The following KIAA1328 variants were observed in gnomAD, a reference collection of about 807,000 sequenced individuals.
The protein encoded by KIAA1328 is protein hinderin.
In KIAA1328, 52 loss-of-function variants were observed where a neutral mutation model predicts 68.1. The observed-to-expected ratio is 0.76, with a 90% CI of 0.61 to 0.96. KIAA1328 has a LOEUF of 0.96. KIAA1328 is among the 40% of genes least tolerant of loss of function. The pLI is 0.00. For missense variants in KIAA1328, 641 were observed against 677.6 expected, an observed-to-expected ratio of 0.95 and a Z score of 0.60; for synonymous variants, 232 against 239.4, an observed-to-expected ratio of 0.97 and a Z score of 0.28.
intron 6 of KIAA1328, among the ~76,000 whole-genome samples, chr18:37,058,368 G>T (rs551043644): frequency 6.6e-6 from 1 of 152,100 alleles, no homozygotes; most frequent in Non-Finnish European, 1.5e-5. Context: ...TTAGATGAAA[G>T]AAGCCAGACA....
At chr18:36,855,420 T>C (rs1017880121) in intron 4 of KIAA1328, among the ~76,000 whole-genome samples, 16 of 152,184 alleles carry the variant, frequency 1.1e-4, no homozygotes, top group African/African-American at 3.4e-4. Context: ...TGAGGGTCTT[T>C]TCATGTGCTT....
At chr18:37,166,417 C>A (rs183539796) in intron 8 of KIAA1328, among the ~76,000 whole-genome samples, 68 of 152,216 alleles carry the variant, frequency 4.5e-4, no homozygotes, top group African/African-American at 1.6e-3. Flanking sequence ...TTTCTTAAAA[C>A]ATTATGAGAT....
At chr18:36,878,889 G>C (rs967391016) in intron 4 of KIAA1328, among the ~76,000 whole-genome samples, 2 of 152,134 alleles carry the variant, frequency 1.3e-5, no homozygotes, top group African/African-American at 4.8e-5. Context: ...TCTTCTCTGA[G>C]CTGGTTATTC....
chr18:37,094,715 C>T (rs75484056), intron 7 of KIAA1328, among the ~76,000 whole-genome samples: 22 of 152,200 alleles, frequency 1.4e-4, no homozygotes, highest in African/African-American at 5.3e-4. Flanking sequence ...ATTATAGGAG[C>T]AATTCCTCAC....
chr18:36,834,820 A>G (rs1384811711), intron 2 of KIAA1328, among the ~76,000 whole-genome samples: 1 of 152,144 alleles, frequency 6.6e-6, no homozygotes, highest in Non-Finnish European at 1.5e-5. Flanking sequence ...TATTTGGCAT[A>G]TCGTAATTTA....
intron 8 of KIAA1328, 41 bp downstream of exon 8, chr18:37,160,422 G>C (rs1411808707): frequency 6.4e-7 from 1 of 1,550,938 alleles, no homozygotes; most frequent in Non-Finnish European, 8.8e-7. Context: ...GAAACTGGTA[G>C]GGGAAGGTAG....
intron 5 of KIAA1328, 115 bp from the exon 6 acceptor site, chr18:36,959,193 G>C (rs368135758): frequency 2.0e-6 from 2 of 990,152 alleles, no homozygotes; most frequent in Non-Finnish European, 1.4e-6. Flanking sequence ...TATGACTCTC[G>C]CCAAATATGA....
chr18:37,057,237 A>ATT (rs893420636), intron 6 of KIAA1328, among the ~76,000 whole-genome samples: 2 of 152,142 alleles, frequency 1.3e-5, no homozygotes, highest in African/African-American at 4.8e-5. Flanking sequence ...TTGAAAGAAT[A>ATT]TTTAGTATAA....
chr18:36,829,853 T>A (rs1476699103), intron 1 of KIAA1328, among the ~76,000 whole-genome samples: 1 of 152,122 alleles, frequency 6.6e-6, no homozygotes, highest in Admixed American at 6.5e-5. Flanking sequence ...CTTGGATCGT[T>A]GTGAGGTGGA....
chr18:36,948,030 G>T (rs530412928), intron 5 of KIAA1328, among the ~76,000 whole-genome samples: 1 of 152,186 alleles, frequency 6.6e-6, no homozygotes, highest in East Asian at 1.9e-4. Flanking sequence ...TCCCATCATG[G>T]CCTGAACTTG....
chr18:37,221,939 G>C, intron 9 of KIAA1328, 78 bp from the exon 10 acceptor site: 7 of 1,387,100 alleles, frequency 5.0e-6, no homozygotes, highest in Non-Finnish European at 6.0e-6. Context: ...GCCCTGGACA[G>C]CCCATTTCTG....
At chr18:36,966,758 A>G (rs57233384) in intron 6 of KIAA1328, among the ~76,000 whole-genome samples, 20,809 of 152,212 alleles carry the variant, frequency 0.14, 1,768 homozygotes, top group Non-Finnish European at 0.18. Flanking sequence ...ACATTAAAAC[A>G]TGGCTGAGAG....
Position 37,146,036 on chromosome 18 carries a change from G to T in KIAA1328, c.1233-14164G>T, listed in dbSNP as rs542959925. On this transcript the variant is annotated intron_variant, in intron 7 of 9. Transcript: ENST00000280020. ...TATCTTTTTTTGTTTATTCATTGCT[G>T]TTTCTCCTTTTCTGCTCCTTTTTTT... Among the ~76,000 whole-genome samples the T allele has an allele frequency of 6.6e-5, 10 of 151,862 alleles. No homozygotes were observed. The South Asian group carries it at 2.1e-3, about 32-fold the overall frequency.
At chr18:36,907,698 C>T (rs2049273567) in intron 5 of KIAA1328, among the ~76,000 whole-genome samples, 1 of 152,124 alleles carries the variant, frequency 6.6e-6, no homozygotes, top group Non-Finnish European at 1.5e-5. Context: ...TAATGAGAGA[C>T]AGTCATTAGT....
intron 4 of KIAA1328, among the ~76,000 whole-genome samples, chr18:36,876,053 G>A (rs538020481): frequency 3.9e-5 from 6 of 152,194 alleles, no homozygotes; most frequent in African/African-American, 1.4e-4. Flanking sequence ...TAATGTGCTA[G>A]TGGATTCAGT....
chr18:36,987,498 A>C (rs900487249), intron 6 of KIAA1328, among the ~76,000 whole-genome samples: 2 of 61,190 alleles, frequency 3.3e-5, no homozygotes, highest in Non-Finnish European at 5.5e-5. Flanking sequence ...AAAAAAATAA[A>C]TAAATAAATA....
chr18:37,209,656 G>A (rs1238766314), intron 9 of KIAA1328, among the ~76,000 whole-genome samples: 1 of 152,096 alleles, frequency 6.6e-6, no homozygotes, highest in Non-Finnish European at 1.5e-5. Context: ...ATCCTACACA[G>A]AGGGTGAAAC....
intron 9 of KIAA1328, chr18:37,193,794 G>T: frequency 1.7e-6 from 1 of 594,664 alleles, no homozygotes. Flanking sequence ...AAATTCATAG[G>T]GTATATTTTC....
rs1310443873 is a variant in KIAA1328, at chr18:37,160,202, T to C, written c.1235T>C (p.Leu412Ser). Residue 412 changes from leucine to serine, a missense_variant and splice_region_variant, in exon 8 of 10, where the codon TTA (leucine) becomes TCA (serine). Coordinates refer to ENST00000280020, the MANE Select transcript of KIAA1328 (RefSeq NM_020776.3). ...LHQSRLDYNC[L>S]LKSNCDGWLL... ...TTCATTCATCGTTGTTCTTTCAGTT[T>C]ATTGAAGTCAAACTGTGATGGCTGG... 1 of 1,610,664 alleles carries C rather than the reference T, an allele frequency of 6.2e-7. No individual in the cohort carries two copies. The highest frequency in any genetic ancestry group is 1.7e-5 in the Admixed American group (1 of 59,514).
Sources: gnomAD v4.1 joint callset for allele counts (sites outside exome capture counted in the v4.1 genomes callset) on GRCh38, gnomAD v4.1.1 for gene constraint, MANE v1.5 for transcripts, NCBI Gene and HGNC (gene_info 2026-07-23, HGNC 2026-07-21) for gene names.